The following GALNT13 variants were observed in gnomAD, a reference collection of about 807,000 sequenced individuals.
GALNT13 encodes the protein UDP-GalNAc:polypeptide N-acetylgalactosaminyltransferase 13.
A neutral mutation model predicts 64.2 loss-of-function variants in GALNT13; 28 were observed. The observed-to-expected ratio is 0.44, with a 90% CI of 0.32 to 0.60. GALNT13 has a LOEUF of 0.60. GALNT13 is among the 20% of genes least tolerant of loss of function. The probability of loss-of-function intolerance (pLI) is 0.05; values close to 1 mark genes in which losing one functional copy is unlikely to be tolerated. For missense variants in GALNT13, 577 were observed against 669.8 expected, an observed-to-expected ratio of 0.86 and a Z score of 1.53; for synonymous variants, 214 against 224.6, an observed-to-expected ratio of 0.95 and a Z score of 0.42.
the GALNT13 span, among the ~76,000 whole-genome samples, chr2:153,372,159 G>GGCTGGGGAAT: frequency 2.6e-5 from 4 of 152,172 alleles, no homozygotes; most frequent in African/African-American, 9.7e-5. Context: ...AATAGAATTG[G>GGCTGGGGAAT]AGTGGGGAAT....
At chr2:154,412,545 A>G (rs78244950) in intron 11 of GALNT13, among the ~76,000 whole-genome samples, 2 of 151,806 alleles carry the variant, frequency 1.3e-5, no homozygotes, top group African/African-American at 4.8e-5. Flanking sequence ...TTTCTAAAAA[A>G]AGGTATTTTT....
intron 3 of GALNT13, among the ~76,000 whole-genome samples, chr2:154,126,545 G>A (rs1045640874): frequency 2.6e-5 from 4 of 151,428 alleles, no homozygotes; most frequent in African/African-American, 7.3e-5. Flanking sequence ...TGAGGCAGGA[G>A]AATGGCGTGA....
the GALNT13 span, among the ~76,000 whole-genome samples, chr2:153,464,599 A>G: frequency 1.3e-5 from 2 of 152,078 alleles, no homozygotes; most frequent in Non-Finnish European, 2.9e-5. Flanking sequence ...ATAAAATTAT[A>G]TTATAGCGAG....
At chr2:153,316,605 C>T in the GALNT13 span, among the ~76,000 whole-genome samples, 28 of 135,552 alleles carry the variant, frequency 2.1e-4, no homozygotes, top group African/African-American at 7.1e-4. Context: ...TGCGCCACTG[C>T]ACTCCAGCCA....
At chr2:153,641,819 T>C in the GALNT13 span, among the ~76,000 whole-genome samples, 1 of 152,132 alleles carries the variant, frequency 6.6e-6, no homozygotes, top group Non-Finnish European at 1.5e-5. Flanking sequence ...TATTTGGAAA[T>C]ATAGAATGAG....
chr2:154,244,429 T>C (rs529522797), intron 6 of GALNT13, among the ~76,000 whole-genome samples: 1 of 152,284 alleles, frequency 6.6e-6, no homozygotes, highest in South Asian at 2.1e-4. Flanking sequence ...CGCAGATAAG[T>C]TGAGGCTCTG....
chr2:153,292,926 A>ATT, the GALNT13 span, among the ~76,000 whole-genome samples: 2 of 151,974 alleles, frequency 1.3e-5, no homozygotes, highest in Non-Finnish European at 2.9e-5. Context: ...CCACCTACAT[A>ATT]TTTTTTATTG....
At chr2:154,322,749 A>G (rs1343904631) in intron 9 of GALNT13, among the ~76,000 whole-genome samples, 2 of 152,064 alleles carry the variant, frequency 1.3e-5, no homozygotes, top group African/African-American at 4.8e-5. Context: ...ATTTTATTAT[A>G]TGGCAGGATT....
the GALNT13 span, among the ~76,000 whole-genome samples, chr2:153,637,222 C>A: frequency 6.6e-6 from 1 of 152,036 alleles, no homozygotes; most frequent in Non-Finnish European, 1.5e-5. Flanking sequence ...ATGAGCGTAT[C>A]TATATGATGT....
chr2:153,572,797 CAGAGT>C, the GALNT13 span, among the ~76,000 whole-genome samples: 1 of 151,498 alleles, frequency 6.6e-6, no homozygotes, highest in Non-Finnish European at 1.5e-5. Context: ...CCATGGTGGT[CAGAGT>C]AGACACTTGA....
At chr2:153,319,532 G>T in the GALNT13 span, among the ~76,000 whole-genome samples, 1 of 152,114 alleles carries the variant, frequency 6.6e-6, no homozygotes, top group African/African-American at 2.4e-5. Flanking sequence ...TCCTGCCTTA[G>T]CTTCTTAAAG....
chr2:153,258,451 T>C, the GALNT13 span, among the ~76,000 whole-genome samples: 3 of 152,176 alleles, frequency 2.0e-5, no homozygotes, highest in African/African-American at 4.8e-5. Flanking sequence ...GTTTTAATAT[T>C]ATTTATTTCA....
At chr2:153,095,479 C>A in the GALNT13 span, among the ~76,000 whole-genome samples, 1 of 152,188 alleles carries the variant, frequency 6.6e-6, no homozygotes, top group African/African-American at 2.4e-5. Flanking sequence ...GACAATGTGG[C>A]AATTCCTCAA....
At chr2:153,161,259 C>T in the GALNT13 span, among the ~76,000 whole-genome samples, 1 of 152,286 alleles carries the variant, frequency 6.6e-6, no homozygotes, top group South Asian at 2.1e-4. Context: ...ATTTGTCTTA[C>T]AGTGTCAGTG....
chr2:154,428,821 G>A (rs548816256), intron 11 of GALNT13, among the ~76,000 whole-genome samples: 1 of 148,098 alleles, frequency 6.8e-6, no homozygotes, highest in South Asian at 2.1e-4. Context: ...TCGCTCTGTC[G>A]CCCAGGCTGG....
chr2:153,931,125 T>A (rs1690489347), intron 2 of GALNT13, among the ~76,000 whole-genome samples: 1 of 149,790 alleles, frequency 6.7e-6, no homozygotes. Context: ...TGGGATTGCC[T>A]CTTTGATTTA....
At chr2:153,406,833 T>C in the GALNT13 span, among the ~76,000 whole-genome samples, 2 of 152,326 alleles carry the variant, frequency 1.3e-5, no homozygotes, top group African/African-American at 4.8e-5. Flanking sequence ...ATCTAATGAA[T>C]TGAACTTAGT....
chr2:154,104,757 G>C (rs1179669743), intron 3 of GALNT13, among the ~76,000 whole-genome samples: 2 of 152,212 alleles, frequency 1.3e-5, no homozygotes, highest in Non-Finnish European at 2.9e-5. Flanking sequence ...GTCAGAGTGT[G>C]TTCTAGGGTG....
At chr2:154,206,394 C>A in intron 4 of GALNT13, among the ~76,000 whole-genome samples, 1 of 151,940 alleles carries the variant, frequency 6.6e-6, no homozygotes, top group East Asian at 1.9e-4. Context: ...GACAAATACA[C>A]TTTTTTTTCT....
Sources: gnomAD v4.1 joint callset for allele counts (sites outside exome capture counted in the v4.1 genomes callset) on GRCh38, gnomAD v4.1.1 for gene constraint, MANE v1.5 for transcripts, NCBI Gene and HGNC (gene_info 2026-07-23, HGNC 2026-07-21) for gene names.